The following SNTG1 variants were observed in gnomAD, a reference collection of about 807,000 sequenced individuals.
SNTG1 encodes the protein syntrophin gamma 1, also known as gamma-1-syntrophin.
In SNTG1, 39 loss-of-function variants were observed where a neutral mutation model predicts 74.7. That is an observed-to-expected ratio of 0.52 (90% CI 0.40 to 0.68). SNTG1 has a LOEUF of 0.68. SNTG1 is among the 30% of genes least tolerant of loss of function. The probability of loss-of-function intolerance (pLI) is 0.00; values close to 1 mark genes in which losing one functional copy is unlikely to be tolerated. For synonymous variants in SNTG1, 254 were observed against 217.1 expected (o/e 1.17, Z -1.49); for missense variants, 685 against 609.5 (o/e 1.12, Z -1.30).
chr8:50,083,984 A>C (rs2131098741), intron 1 of SNTG1, among the ~76,000 whole-genome samples: 1 of 152,246 alleles, frequency 6.6e-6, no homozygotes, highest in South Asian at 2.1e-4. Flanking sequence ...TTAATTTAGA[A>C]CCTCTTTCAA....
At chr8:50,081,520 T>A (rs1822408708) in intron 1 of SNTG1, among the ~76,000 whole-genome samples, 1 of 152,212 alleles carries the variant, frequency 6.6e-6, no homozygotes, top group Admixed American at 6.5e-5. Flanking sequence ...CCCTTTCACT[T>A]TCTCCTCTTC....
intron 12 of SNTG1, among the ~76,000 whole-genome samples, chr8:50,557,855 A>G (rs1247063672): frequency 1.3e-5 from 2 of 152,350 alleles, no homozygotes; most frequent in African/African-American, 4.8e-5. Context: ...AATGTCTCCT[A>G]TAGCAGTTCA....
chr8:50,344,902 G>A (rs1157857064), intron 2 of SNTG1, among the ~76,000 whole-genome samples: 2 of 152,218 alleles, frequency 1.3e-5, no homozygotes, highest in East Asian at 3.9e-4. Context: ...TTCTTAAAGT[G>A]GGCCCTAATC....
At chr8:49,910,310 C>T (rs1351023174), upstream of SNTG1, among the ~76,000 whole-genome samples, 1 of 152,016 alleles carries the variant, frequency 6.6e-6, no homozygotes, top group African/African-American at 2.4e-5. Flanking sequence ...GTCCCCACCA[C>T]ACACACCAGC....
intron 2 of SNTG1, among the ~76,000 whole-genome samples, chr8:50,376,756 T>TATATATATATATATATAG (rs1381048539): frequency 3.3e-5 from 3 of 89,962 alleles, no homozygotes; most frequent in South Asian, 4.2e-4. Context: ...TATATATATA[T>TATATATATATATATATAG]AGAGAGAGAG....
intron 15 of SNTG1, among the ~76,000 whole-genome samples, chr8:50,679,207 G>T (rs138742460): frequency 6.6e-6 from 1 of 152,042 alleles, no homozygotes; most frequent in Non-Finnish European, 1.5e-5. Flanking sequence ...TTCTGTAAAT[G>T]CATTTATACT....
At chr8:50,446,852 C>A (rs2093412626) in intron 5 of SNTG1, among the ~76,000 whole-genome samples, 1 of 152,080 alleles carries the variant, frequency 6.6e-6, no homozygotes, top group African/African-American at 2.4e-5. Context: ...TTCCAAGACC[C>A]CAGTAGTTGC....
intron 14 of SNTG1, among the ~76,000 whole-genome samples, chr8:50,657,402 A>G (rs2095189842): frequency 1.3e-5 from 2 of 152,200 alleles, no homozygotes; most frequent in South Asian, 4.1e-4. Context: ...AGTGAAATAA[A>G]AAAGAATAAA....
intron 2 of SNTG1, among the ~76,000 whole-genome samples, chr8:50,278,469 C>T (rs2088241961): frequency 1.3e-5 from 2 of 152,040 alleles, no homozygotes; most frequent in Non-Finnish European, 2.9e-5. Context: ...CTTCAGAAAT[C>T]CCTGTGATTG....
At position 50,421,457 on chromosome 8, in the gene SNTG1, A is replaced by C. The variant is rs139353918; in HGVS notation, c.163-17086A>C. Among the ~76,000 whole-genome samples, 469 of 152,216 alleles carry C rather than the reference A, an allele frequency of 3.1e-3. 2 individuals carry two copies. Among genetic ancestry groups the C allele is most frequent in the Middle Eastern group, 6.8e-3 (2 of 294 alleles). ...GGAGTGTAGCAGTGAGGAACACCAG[A>C]GGCCACTCGTCACCATTTTGTTTTT... is the stretch of plus-strand genomic sequence containing the variant. On this transcript the variant is annotated intron_variant, in intron 4 of 18. Coordinates refer to ENST00000642720, the MANE Select transcript of SNTG1 (RefSeq NM_018967.5).
chr8:50,744,309 G>A (rs2095550366), intron 17 of SNTG1, among the ~76,000 whole-genome samples: 1 of 151,916 alleles, frequency 6.6e-6, no homozygotes, highest in African/African-American at 2.4e-5. Flanking sequence ...ATCTGGAAAA[G>A]CATTTGAGAA....
rs751581099 is a variant in SNTG1, at chr8:50,245,809, C to T, written c.-28+73174C>T. On this transcript the variant is annotated intron_variant, in intron 2 of 18. Coordinates refer to ENST00000642720, the MANE Select transcript of SNTG1 (RefSeq NM_018967.5). ...GAGCTCAACTTTCTTATATGTCAGTCGTAACACTATAGTGATGAGAATATT... is the reference window on the plus strand; with the variant it reads ...GAGCTCAACTTTCTTATATGTCAGTTGTAACACTATAGTGATGAGAATATT... 8.5e-5 allele frequency among the ~76,000 whole-genome samples: 13 copies of T among 152,198 alleles called. 1 individual carries two copies. The highest frequency in any genetic ancestry group is 1.9e-4 in the East Asian group (1 of 5,158).
Position 50,479,923 on chromosome 8 carries a change from C to T in SNTG1, c.364-22855C>T, listed in dbSNP as rs184901332. The stretch of plus-strand genomic sequence containing the variant: ...TCTTAATGAATGCTGCTGTATTTCT[C>T]CTTGAAGAGGTTCAGTAAATGTTAG... On this transcript the variant is annotated intron_variant, in intron 8 of 18. Transcript: ENST00000642720. Among the ~76,000 whole-genome samples, 463 of 152,130 alleles carry T rather than the reference C, an allele frequency of 3.0e-3. 2 individuals carry two copies. The highest frequency in any genetic ancestry group is 4.5e-3 in the Non-Finnish European group (305 of 67,996).
chr8:50,133,839 CA>C (rs2081388661), intron 1 of SNTG1, among the ~76,000 whole-genome samples: 1 of 152,162 alleles, frequency 6.6e-6, no homozygotes. Context: ...AATGAGTTTA[CA>C]TTCTGTGGTA....
At chr8:50,518,374 C>A (rs2094151415) in intron 9 of SNTG1, among the ~76,000 whole-genome samples, 1 of 152,034 alleles carries the variant, frequency 6.6e-6, no homozygotes, top group South Asian at 2.1e-4. Context: ...AAAATTGACA[C>A]CCTAACATCA....
At chr8:50,527,965 A>C (rs2094235592) in intron 9 of SNTG1, among the ~76,000 whole-genome samples, 1 of 150,858 alleles carries the variant, frequency 6.6e-6, no homozygotes, top group African/African-American at 2.5e-5. Context: ...CCAGTTGTTT[A>C]TTGCCAACAC....
At chr8:50,575,324 G>A (rs905464878) in intron 12 of SNTG1, among the ~76,000 whole-genome samples, 1 of 152,104 alleles carries the variant, frequency 6.6e-6, no homozygotes, top group Admixed American at 6.5e-5. Context: ...GACCTTCTTT[G>A]AATTTGATTA....
chr8:50,435,269 C>T (rs2093289307), intron 4 of SNTG1, among the ~76,000 whole-genome samples: 1 of 152,002 alleles, frequency 6.6e-6, no homozygotes, highest in South Asian at 2.1e-4. Context: ...ATATATGAAA[C>T]TGTATAGGAG....
intron 2 of SNTG1, among the ~76,000 whole-genome samples, chr8:50,316,465 G>A (rs2090322339): frequency 6.6e-6 from 1 of 152,068 alleles, no homozygotes; most frequent in South Asian, 2.1e-4. Flanking sequence ...CTAATTAAGA[G>A]TACTGCAAGT....
Sources: allele counts gnomAD v4.1 joint callset (sites outside exome capture counted in the v4.1 genomes callset), GRCh38; gene constraint gnomAD v4.1.1; transcripts MANE v1.5; gene names NCBI Gene and HGNC (gene_info 2026-07-23, HGNC 2026-07-21).